XIRP2: variants seen among roughly 807,000 people sequenced by gnomAD.
The protein encoded by XIRP2 is xin actin-binding repeat-containing protein 2.
In XIRP2, 236 loss-of-function variants were observed where a neutral mutation model predicts 277.0. The ratio of observed to expected loss-of-function variants is 0.85; its 90% CI spans 0.77 to 0.95. The LOEUF is 0.95. XIRP2 is among the 40% of genes least tolerant of loss of function. The probability of loss-of-function intolerance (pLI) is 0.00; values close to 1 mark genes in which losing one functional copy is unlikely to be tolerated. For missense variants in XIRP2, 4,640 were observed against 4,157.5 expected (o/e 1.12, Z -3.19); for synonymous variants, 1,490 against 1,416.5 (o/e 1.05, Z -1.17).
intron 3 of XIRP2, among the ~76,000 whole-genome samples, chr2:167,153,751 T>C (rs1427933324): frequency 6.6e-6 from 1 of 151,776 alleles, no homozygotes; most frequent in East Asian, 1.9e-4. Flanking sequence ...TCATTTTTTA[T>C]GGCTGCATAG....
chr2:166,988,543 A>G, intron 2 of XIRP2, among the ~76,000 whole-genome samples: 1 of 134,114 alleles, frequency 7.5e-6, no homozygotes, highest in Non-Finnish European at 1.6e-5. Flanking sequence ...CTGCATTTCC[A>G]TCTGAGGTAC....
intron 2 of XIRP2, among the ~76,000 whole-genome samples, chr2:166,909,972 A>G (rs958674087): frequency 1.3e-5 from 2 of 152,202 alleles, no homozygotes; most frequent in Non-Finnish European, 2.9e-5. Context: ...CCACTTGATC[A>G]TGGTGGATAA....
chr2:167,232,674 G>C (rs927402668), intron 5 of XIRP2, among the ~76,000 whole-genome samples: 1 of 151,876 alleles, frequency 6.6e-6, no homozygotes, highest in Non-Finnish European at 1.5e-5. Flanking sequence ...TTGTAGCACT[G>C]GTGAGCCAGG....
chr2:166,939,643 G>C (rs1685632676), intron 2 of XIRP2, among the ~76,000 whole-genome samples: 1 of 130,162 alleles, frequency 7.7e-6, no homozygotes. Flanking sequence ...TCACGCCACT[G>C]CACTCTGGCC....
rs182576244 is a variant in XIRP2, at chr2:167,013,185, A to G, written c.408+109295A>G. 9.4e-4 allele frequency among the ~76,000 whole-genome samples: 143 copies of G among 151,476 alleles called. 1 individual carries two copies. Among genetic ancestry groups the G allele is most frequent in the African/African-American group, 3.1e-3 (127 of 41,446 alleles). ...TGCCTTTATTTTAATCAGTTTATCA[A>G]TATATTTCTGTTCACCTGTACAAGG... On this transcript the variant is annotated intron_variant, in intron 2 of 10. Coordinates refer to ENST00000409195, the MANE Select transcript of XIRP2 (RefSeq NM_152381.6).
chr2:167,037,513 TGG>T (rs201439550), intron 2 of XIRP2, among the ~76,000 whole-genome samples: 12,563 of 136,556 alleles, frequency 0.092, 650 homozygotes, highest in African/African-American at 0.17. Flanking sequence ...TTTTTTCATG[TGG>T]GGGGTGTGTG....
intron 2 of XIRP2, among the ~76,000 whole-genome samples, chr2:167,033,545 C>A (rs1163613222): frequency 6.6e-6 from 1 of 151,914 alleles, no homozygotes; most frequent in Non-Finnish European, 1.5e-5. Flanking sequence ...CAGATTTTAC[C>A]CAAATAAGCC....
intron 2 of XIRP2, among the ~76,000 whole-genome samples, chr2:166,974,474 T>C (rs543717261): frequency 6.7e-4 from 102 of 152,188 alleles, no homozygotes; most frequent in African/African-American, 2.4e-3. Flanking sequence ...TATATACACA[T>C]ATATACATCT....
chr2:166,978,292 TAATC>T (rs1558936365), intron 2 of XIRP2, among the ~76,000 whole-genome samples: 1 of 152,226 alleles, frequency 6.6e-6, no homozygotes, highest in Non-Finnish European at 1.5e-5. Context: ...CTACAATAAG[TAATC>T]AATCAGGCAT....
chr2:167,089,982 G>C (rs1415754004), intron 2 of XIRP2, among the ~76,000 whole-genome samples: 2 of 152,060 alleles, frequency 1.3e-5, no homozygotes, highest in East Asian at 3.8e-4. Flanking sequence ...GTACTGTTTA[G>C]GATCATTGCC....
intron 4 of XIRP2, 141 bp from the exon 5 acceptor site, chr2:167,218,025 G>A (rs73972208): frequency 0.12 from 72,795 of 617,976 alleles, 5,196 homozygotes; most frequent in African/African-American, 0.27. Context: ...TTTTGTTAAA[G>A]ACATACTGAA....
chr2:166,904,941 C>A (rs1456119607), intron 2 of XIRP2, among the ~76,000 whole-genome samples: 2 of 151,918 alleles, frequency 1.3e-5, no homozygotes, highest in African/African-American at 4.8e-5. Flanking sequence ...TTCCAGTTGT[C>A]TTATTGGGAA....
At chr2:167,040,100 A>G (rs1412931250) in intron 2 of XIRP2, among the ~76,000 whole-genome samples, 1 of 152,090 alleles carries the variant, frequency 6.6e-6, no homozygotes, top group Non-Finnish European at 1.5e-5. Flanking sequence ...CAATAATATT[A>G]GAAGCATTTT....
At chr2:166,974,563 G>T (rs1558935110) in intron 2 of XIRP2, among the ~76,000 whole-genome samples, 1 of 151,756 alleles carries the variant, frequency 6.6e-6, no homozygotes, top group African/African-American at 2.4e-5. Flanking sequence ...AAATTTCCCT[G>T]AAGATATATA....
chr2:166,934,207 A>AC (rs1288663799), intron 2 of XIRP2, among the ~76,000 whole-genome samples: 5 of 150,766 alleles, frequency 3.3e-5, no homozygotes, highest in African/African-American at 4.9e-5. Context: ...AAAAAAAAAA[A>AC]AAAAAAACAA....
At chr2:167,038,872 T>TG (rs1276885777) in intron 2 of XIRP2, among the ~76,000 whole-genome samples, 1 of 152,014 alleles carries the variant, frequency 6.6e-6, no homozygotes, top group African/African-American at 2.4e-5. Context: ...AATAAGTTCA[T>TG]GGGGGGCCAC....
intron 3 of XIRP2, among the ~76,000 whole-genome samples, chr2:167,199,636 GGATATTTTAACCAGT>G (rs1223315930): frequency 1.3e-5 from 2 of 152,088 alleles, no homozygotes; most frequent in Non-Finnish European, 2.9e-5. Flanking sequence ...GGGCACTAGT[GGATATTTTAACCAGT>G]CCCTCAGAGG....
intron 4 of XIRP2, among the ~76,000 whole-genome samples, chr2:167,212,222 C>A (rs1237391437): frequency 6.6e-6 from 1 of 152,128 alleles, no homozygotes; most frequent in African/African-American, 2.4e-5. Context: ...ACTATAGTAC[C>A]TCCTGCCAGT....
rs913694267 is a variant in XIRP2 at position 167,083,824 on chromosome 2, C to G, written c.409-52085C>G. On this transcript the variant is annotated intron_variant, in intron 2 of 10. Coordinates refer to ENST00000409195, the MANE Select transcript of XIRP2 (RefSeq NM_152381.6). ...AGACTTTGCTGAAGTTGCTTGTCAG[C>G]TTAAGGAGATTTTGGGCTGAGACAA... Among the ~76,000 whole-genome samples the G allele has an allele frequency of 2.2e-4, 34 of 152,090 alleles. 1 individual carries two copies. Among genetic ancestry groups the G allele is most frequent in the African/African-American group, 8.2e-4 (34 of 41,410 alleles).
Sources: gnomAD v4.1 joint callset for allele counts (sites outside exome capture counted in the v4.1 genomes callset) on GRCh38, gnomAD v4.1.1 for gene constraint, MANE v1.5 for transcripts, NCBI Gene and HGNC (gene_info 2026-07-23, HGNC 2026-07-21) for gene names.